The following RANBP17 variants were observed in gnomAD, a reference collection of about 807,000 sequenced individuals.
The protein encoded by RANBP17 is ran-binding protein 17.
RANBP17 carries 158 observed loss-of-function variants against 141.2 expected under a neutral mutation model. The ratio of observed to expected loss-of-function variants is 1.12; its 90% CI spans 0.98 to 1.28. The LOEUF is 1.28. Among genes scored for constraint, RANBP17 ranks in the 50% most tolerant of loss-of-function variants. The pLI, the probability that RANBP17 is intolerant of heterozygous loss-of-function variation, is 0.00. For missense variants in RANBP17, 1,438 were observed against 1,290.7 expected (o/e 1.11, Z -1.75); for synonymous variants, 430 against 450.0 (o/e 0.96, Z 0.56).
At chr5:171,148,329 A>G (rs954851695) in intron 14 of RANBP17, among the ~76,000 whole-genome samples, 2 of 152,010 alleles carry the variant, frequency 1.3e-5, no homozygotes, top group Non-Finnish European at 2.9e-5. Flanking sequence ...TCCCTCCACT[A>G]TTGTCCCATG....
intron 14 of RANBP17, among the ~76,000 whole-genome samples, chr5:171,100,278 A>G (rs1055543883): frequency 1.3e-5 from 2 of 152,124 alleles, no homozygotes; most frequent in African/African-American, 4.8e-5. Flanking sequence ...CAATTTCAGA[A>G]CTTGTTACTG....
At chr5:170,968,492 A>T in intron 14 of RANBP17, 115 bp downstream of exon 14, 2 of 926,464 alleles carry the variant, frequency 2.2e-6, no homozygotes, top group Non-Finnish European at 3.5e-6. Context: ...TTGATTAATG[A>T]ATTGATGAAT....
chr5:170,916,967 C>T (rs543660629), intron 9 of RANBP17, among the ~76,000 whole-genome samples: 8 of 152,214 alleles, frequency 5.3e-5, no homozygotes, highest in African/African-American at 1.9e-4. Context: ...CCACCTGCCT[C>T]GGCCTCCCAA....
intron 21 of RANBP17, among the ~76,000 whole-genome samples, chr5:171,214,012 G>T (rs187785180): frequency 1.3e-5 from 2 of 152,156 alleles, no homozygotes; most frequent in African/African-American, 2.4e-5. Context: ...TCAAAGGTAC[G>T]AAATGAAGGG....
chr5:171,192,774 A>G (rs190591324), intron 18 of RANBP17, among the ~76,000 whole-genome samples: 221 of 152,296 alleles, frequency 1.5e-3, no homozygotes, highest in African/African-American at 4.9e-3. Flanking sequence ...TCTGCCTTCA[A>G]TATTTAGGGC....
At chr5:171,244,482 T>C (rs571290942) in intron 24 of RANBP17, among the ~76,000 whole-genome samples, 2 of 152,324 alleles carry the variant, frequency 1.3e-5, no homozygotes, top group Admixed American at 6.5e-5. Context: ...AGTCTGACTC[T>C]GTTGCCCAGG....
At chr5:170,924,722 ATT>A (rs567998381) in intron 12 of RANBP17, 172 bp downstream of exon 12, 191 of 365,650 alleles carry the variant, frequency 5.2e-4, no homozygotes, top group Middle Eastern at 1.6e-3. Context: ...TTGTTGGTTG[ATT>A]TTTTTTTTTT....
chr5:170,958,557 A>C (rs1232272581), intron 13 of RANBP17, among the ~76,000 whole-genome samples: 1 of 152,228 alleles, frequency 6.6e-6, no homozygotes, highest in East Asian at 1.9e-4. Flanking sequence ...ATGATGTCTT[A>C]CGTAAAATTA....
chr5:171,265,570 A>T, intron 24 of RANBP17, 111 bp from the exon 25 acceptor site: 1 of 1,033,804 alleles, frequency 9.7e-7, no homozygotes. Context: ...TTGCAATTTG[A>T]TAAAAGCACT....
At chr5:170,979,604 A>G (rs1284409686) in intron 14 of RANBP17, among the ~76,000 whole-genome samples, 1 of 152,110 alleles carries the variant, frequency 6.6e-6, no homozygotes, top group Non-Finnish European at 1.5e-5. Context: ...ACAAAATCTG[A>G]TGGTTACTAT....
At chr5:171,090,351 C>T (rs970068630) in intron 14 of RANBP17, among the ~76,000 whole-genome samples, 4 of 152,072 alleles carry the variant, frequency 2.6e-5, no homozygotes, top group African/African-American at 4.8e-5. Flanking sequence ...AATTTGAATT[C>T]GAGAGAGATG....
rs777025079 is a variant in RANBP17 at position 171,295,934 on chromosome 5, C to A, written c.3090C>A (p.Pro1030=). Residue 1030 remains proline (P), a synonymous_variant, in exon 27 of 28, where the codon CCC becomes CCA. Transcript: ENST00000523189. ...RASLINSQPL[P]KQEVLAQCFR... ...GTTTGATAAACAGCCAGCCCCTCCC[C>A]AAGCAGGAGGTCCTTGCCCAGTGCT... 1 of 1,613,834 alleles carries A rather than the reference C, an allele frequency of 6.2e-7. No individual in the cohort carries two copies. The highest frequency in any genetic ancestry group is 1.7e-5 in the Admixed American group (1 of 60,014).
intron 13 of RANBP17, among the ~76,000 whole-genome samples, chr5:170,957,747 T>TA (rs1185194285): frequency 6.6e-6 from 1 of 152,206 alleles, no homozygotes; most frequent in African/African-American, 2.4e-5. Flanking sequence ...TCATGTGCCA[T>TA]ACATGGGTTA....
intron 22 of RANBP17, among the ~76,000 whole-genome samples, chr5:171,235,218 G>C (rs1764463715): frequency 1.3e-5 from 2 of 152,110 alleles, no homozygotes; most frequent in South Asian, 2.1e-4. Flanking sequence ...AGAGCACTTT[G>C]AGTGGAGCGG....
intron 14 of RANBP17, among the ~76,000 whole-genome samples, chr5:171,009,559 AT>A (rs1183613190): frequency 1.3e-5 from 2 of 152,200 alleles, no homozygotes; most frequent in African/African-American, 4.8e-5. Flanking sequence ...AAAAGGGTAA[AT>A]TCTAAACTAG....
At chr5:170,923,049 T>C (rs1259091572) in intron 11 of RANBP17, among the ~76,000 whole-genome samples, 7 of 152,212 alleles carry the variant, frequency 4.6e-5, no homozygotes, top group Non-Finnish European at 8.8e-5. Flanking sequence ...TTTTATGTAT[T>C]ATGTTTTTGT....
chr5:170,963,568 A>T lies in RANBP17; in HGVS notation c.1575-4674A>T, dbSNP rs888197294. On this transcript the variant is annotated intron_variant, in intron 13 of 27. Transcript: ENST00000523189. ...GGGCAGGGGATGGTTTCAGGATGAA[A>T]CTGTTCCACCTCAGATCACCAGGCA... Among the ~76,000 whole-genome samples the T allele has an allele frequency of 3.3e-5, 5 of 152,164 alleles. No individual in the cohort carries two copies. The East Asian group carries it at 9.6e-4, about 29-fold the overall frequency.
At chr5:171,194,524 C>T (rs368746690) in intron 18 of RANBP17, among the ~76,000 whole-genome samples, 70 of 152,284 alleles carry the variant, frequency 4.6e-4, no homozygotes, top group African/African-American at 1.6e-3. Context: ...CATGTTTTGG[C>T]ATGTATTAAT....
At chr5:171,091,201 C>A (rs1211420275) in intron 14 of RANBP17, among the ~76,000 whole-genome samples, 1 of 152,202 alleles carries the variant, frequency 6.6e-6, no homozygotes, top group Non-Finnish European at 1.5e-5. Context: ...TGCCCGAGAC[C>A]ATGGGAACCC....
Sources: allele counts gnomAD v4.1 joint callset (sites outside exome capture counted in the v4.1 genomes callset), GRCh38; gene constraint gnomAD v4.1.1; transcripts MANE v1.5; gene names NCBI Gene and HGNC (gene_info 2026-07-23, HGNC 2026-07-21).